Variants in RPS24 observed in about 807,000 individuals in gnomAD.
The protein encoded by RPS24 is small ribosomal subunit protein eS24.
For synonymous variants in RPS24, 72 were observed against 55.6 expected, an observed-to-expected ratio of 1.30 and a Z score of -1.31; for missense variants, 100 against 162.5, an observed-to-expected ratio of 0.62 and a Z score of 2.09.
At chr10:78,036,855 G>A (rs1847879781) in intron 3 of RPS24, among the ~76,000 whole-genome samples, 1 of 152,108 alleles carries the variant, frequency 6.6e-6, no homozygotes, top group Admixed American at 6.6e-5. Flanking sequence ...AATGGGAAGA[G>A]ATCCCCTCAG....
At chr10:78,054,909 C>A (rs1008386136) in exon 5 of RPS24, 2 of 1,531,602 alleles carry the variant, frequency 1.3e-6, no homozygotes, top group Non-Finnish European at 1.8e-6. Flanking sequence ...TCTGTCACCC[C>A]ACATCCAGGC....
At chr10:78,035,921 A>G (rs1847855955) in intron 3 of RPS24, 1 of 589,664 alleles carries the variant, frequency 1.7e-6, no homozygotes, top group Admixed American at 2.8e-5. Flanking sequence ...CTGAGTTCAG[A>G]AGGGCAGCTG....
chr10:78,034,935 A>G (rs1335687744), intron 1 of RPS24, among the ~76,000 whole-genome samples: 1 of 152,212 alleles, frequency 6.6e-6, no homozygotes, highest in Non-Finnish European at 1.5e-5. Context: ...GTCTGGAGAC[A>G]TTTTTGATTG....
intron 1 of RPS24, chr10:78,034,336 C>A: frequency 4.0e-6 from 1 of 251,576 alleles, no homozygotes; most frequent in Non-Finnish European, 7.9e-6. Context: ...ACCATTCCCA[C>A]GTGTAAGCTA....
In RPS24 at chr10:78,054,612, G is replaced by T. The variant is rs779783104; in HGVS notation, c.472G>T (p.Ala158Ser). 7.0e-5 allele frequency: 108 copies of T among 1,551,586 alleles called. No individual in the cohort carries two copies. Among genetic ancestry groups the T allele is most frequent in the Non-Finnish European group, 9.2e-5 (105 of 1,146,978 alleles). ...ATGCACAGATGTGAAGAACTCGAAG[G>T]CAAGAGAAAGCCGGGGGGTTGTGTG... is the stretch of plus-strand genomic sequence containing the variant. The change falls in exon 5 of 5, where the codon GCA becomes TCA. Residue 158 changes from alanine to serine, a missense_variant. Ala to Ser is a moderately conservative substitution (Grantham distance 99). Coordinates refer to the RPS24 transcript ENST00000440692.
chr10:78,050,542 C>T (rs950263467), intron 4 of RPS24, among the ~76,000 whole-genome samples: 1 of 152,202 alleles, frequency 6.6e-6, no homozygotes, highest in Non-Finnish European at 1.5e-5. Flanking sequence ...TATATTCACC[C>T]TTGTAAAGTG....
chr10:78,055,123 ACCTCTGTT>A, exon 5 of RPS24: 1 of 1,425,268 alleles, frequency 7.0e-7, no homozygotes, highest in Non-Finnish European at 9.2e-7. Flanking sequence ...ATGAGCTGGC[ACCTCTGTT>A]CAGAACCCTC....
chr10:78,051,852 A>G (rs1165976655), intron 4 of RPS24, among the ~76,000 whole-genome samples: 3 of 152,058 alleles, frequency 2.0e-5, no homozygotes, highest in Non-Finnish European at 4.4e-5. Flanking sequence ...GGCTGTTTAT[A>G]TGTCTTCTTT....
chr10:78,044,522 A>G (rs139371005), downstream of RPS24, among the ~76,000 whole-genome samples: 1,050 of 152,230 alleles, frequency 6.9e-3, 12 homozygotes, highest in African/African-American at 0.022. Context: ...GCACAGAAGT[A>G]TGACACCTGA....
chr10:78,047,186 G>A (rs1347710115), intron 4 of RPS24, among the ~76,000 whole-genome samples: 2 of 150,668 alleles, frequency 1.3e-5, no homozygotes, highest in African/African-American at 4.9e-5. Context: ...GGCTGGTCTT[G>A]AACTCCTGAC....
downstream of RPS24, among the ~76,000 whole-genome samples, chr10:78,042,644 G>A (rs1240392710): frequency 6.6e-6 from 1 of 152,164 alleles, no homozygotes; most frequent in Non-Finnish European, 1.5e-5. Context: ...CAATATTGAG[G>A]GAGCACATCC....
chr10:78,037,733 A>G (rs1374330943), intron 4 of RPS24: 1 of 345,256 alleles, frequency 2.9e-6, no homozygotes, highest in South Asian at 2.4e-5. Flanking sequence ...TGGAAAGGCA[A>G]CTGAGATCTC....
At chr10:78,035,211 G>T (rs1015361115) in intron 1 of RPS24, 141 bp from the exon 2 acceptor site, 2 of 801,968 alleles carry the variant, frequency 2.5e-6, no homozygotes, top group Non-Finnish European at 4.3e-6. Context: ...GTTTGGCCTT[G>T]CCCAGTGGGT....
chr10:78,037,127 C>CT, intron 3 of RPS24, 67 bp from the exon 4 acceptor site: 1 of 1,550,242 alleles, frequency 6.5e-7, no homozygotes. Flanking sequence ...GTCAGTTTCC[C>CT]TACCAGAGTG....
At chr10:78,043,931 AAC>A (rs1384768908), downstream of RPS24, among the ~76,000 whole-genome samples, 1 of 150,940 alleles carries the variant, frequency 6.6e-6, no homozygotes, top group African/African-American at 2.5e-5. Context: ...ATAGTAGCCT[AAC>A]ACGTCACCAT....
chr10:78,043,854 T>C (rs1031467789), downstream of RPS24, among the ~76,000 whole-genome samples: 1 of 152,104 alleles, frequency 6.6e-6, no homozygotes, highest in East Asian at 1.9e-4. Flanking sequence ...TCTGGAAAAT[T>C]ATCATGGCTA....
At position 78,037,197 on chromosome 10, in the gene RPS24, G is replaced by A. The variant is rs1324854570; in HGVS notation, c.283G>A (p.Gly95Ser). The A allele has an allele frequency of 6.2e-7, 1 of 1,600,976 alleles. No homozygotes were observed. Among genetic ancestry groups the A allele is most frequent in the Non-Finnish European group, 8.5e-7 (1 of 1,174,150 alleles). Residue 95 changes from glycine to serine, a missense_variant, in exon 4 of 6, where the codon GGC (glycine) becomes AGC (serine). Gly to Ser is a moderately conservative substitution (Grantham distance 56). Coordinates refer to ENST00000372360, the MANE Select transcript of RPS24 (RefSeq NM_033022.4). Reference protein sequence around the residue: ...NEPKHRLARHGLYEKKKTSRK... With the variant: ...NEPKHRLARHSLYEKKKTSRK... ...GATGTACTCTTTTCTCATTCAGCATGGCCTGTATGAGAAGAAAAAGACCTC... is the reference window on the plus strand; with the variant it reads ...GATGTACTCTTTTCTCATTCAGCATAGCCTGTATGAGAAGAAAAAGACCTC...
chr10:78,053,216 C>T (rs1386038235), intron 4 of RPS24, among the ~76,000 whole-genome samples: 1 of 151,638 alleles, frequency 6.6e-6, no homozygotes, highest in East Asian at 1.9e-4. Context: ...AAAAAAACCT[C>T]GGAGCTAATG....
exon 5 of RPS24, chr10:78,055,068 T>C: frequency 6.9e-7 from 1 of 1,452,748 alleles, no homozygotes; most frequent in Non-Finnish European, 9.1e-7. Flanking sequence ...CTCCACCTTC[T>C]TCTCCACTCA....
Sources: allele counts gnomAD v4.1 joint callset (sites outside exome capture counted in the v4.1 genomes callset), GRCh38; gene constraint gnomAD v4.1.1; transcripts MANE v1.5; gene names NCBI Gene and HGNC (gene_info 2026-07-23, HGNC 2026-07-21).